The following RAB18 variants were observed in gnomAD, a reference collection of about 807,000 sequenced individuals.
RAB18 encodes ras-related protein Rab-18.
A neutral mutation model predicts 28.5 loss-of-function variants in RAB18; 10 were observed. That is an observed-to-expected ratio of 0.35 (90% confidence interval 0.22 to 0.60). The LOEUF is 0.60. Ranked by LOEUF, RAB18 falls within the 20% of genes least tolerant of loss-of-function variation. RAB18 has a pLI of 0.78. For synonymous variants in RAB18, 93 were observed against 86.9 expected (o/e 1.07, Z -0.39); for missense variants, 188 against 244.2 (o/e 0.77, Z 1.53).
intron 2 of RAB18, chr10:27,510,156 T>C: frequency 1.8e-6 from 1 of 566,626 alleles, no homozygotes. Flanking sequence ...TGATACTTTA[T>C]TAAAACTGCT....
At chr10:27,505,539 A>G (rs1195972254) in intron 1 of RAB18, among the ~76,000 whole-genome samples, 1 of 152,188 alleles carries the variant, frequency 6.6e-6, no homozygotes, top group Non-Finnish European at 1.5e-5. Flanking sequence ...CTTATGTAAT[A>G]TATTCTGATA....
chr10:27,511,060 A>G (rs796269679), intron 2 of RAB18, among the ~76,000 whole-genome samples: 1 of 152,242 alleles, frequency 6.6e-6, no homozygotes, highest in Non-Finnish European at 1.5e-5. Flanking sequence ...AAATGAACAT[A>G]GATACATTTT....
chr10:27,509,917 T>C lies in RAB18; in HGVS notation c.111T>C (p.Leu37=). The C allele has an allele frequency of 6.2e-7, 1 of 1,612,058 alleles. No individual in the cohort carries two copies. The highest frequency in any genetic ancestry group is 1.1e-5 in the South Asian group (1 of 91,044). ...RFTDDTFDPE[L]AATIGVDFKV... is the part of the protein sequence containing the mutation. The stretch of plus-strand genomic sequence containing the variant: ...CAGATGATACGTTTGATCCAGAACT[T>C]GCAGCAACAATAGGTAAGCCTGTGT... The change falls in exon 2 of 7, where the codon CTT becomes CTC. Residue 37 remains leucine (L), a synonymous_variant. Transcript: ENST00000356940.
At chr10:27,536,441 A>T (rs1834902010) in intron 6 of RAB18, among the ~76,000 whole-genome samples, 2 of 152,084 alleles carry the variant, frequency 1.3e-5, no homozygotes, top group Admixed American at 6.5e-5. Context: ...GCTGTTCTGG[A>T]GGCTGAGGTG....
At chr10:27,532,818 A>G (rs535753986) in intron 4 of RAB18, among the ~76,000 whole-genome samples, 1 of 152,126 alleles carries the variant, frequency 6.6e-6, no homozygotes, top group South Asian at 2.1e-4. Flanking sequence ...TGTCAATGAG[A>G]ACGTAATTGA....
At chr10:27,520,898 C>CA (rs1176749337) in intron 2 of RAB18, among the ~76,000 whole-genome samples, 2 of 105,158 alleles carry the variant, frequency 1.9e-5, no homozygotes, top group Admixed American at 1.5e-4. Context: ...GCCTGGGTGA[C>CA]AGAGCAAGAC....
At chr10:27,515,744 A>T (rs190951699) in intron 2 of RAB18, among the ~76,000 whole-genome samples, 5,891 of 151,560 alleles carry the variant, frequency 0.039, 320 homozygotes, top group African/African-American at 0.13. Flanking sequence ...AAAAAAAAAA[A>T]TTTTTTTTCA....
chr10:27,526,475 C>T (rs553740295), intron 2 of RAB18, among the ~76,000 whole-genome samples: 85 of 152,236 alleles, frequency 5.6e-4, no homozygotes, highest in African/African-American at 1.9e-3. Flanking sequence ...CTGCCATGAC[C>T]CACAGTCAGC....
chr10:27,531,198 G>A (rs1240327085), intron 3 of RAB18, among the ~76,000 whole-genome samples: 2 of 152,008 alleles, frequency 1.3e-5, no homozygotes, highest in African/African-American at 4.8e-5. Flanking sequence ...GTGGTGGTAA[G>A]GATCTGGAAG....
At chr10:27,536,081 CAAA>C (rs375160249) in intron 6 of RAB18, among the ~76,000 whole-genome samples, 2 of 127,606 alleles carry the variant, frequency 1.6e-5, no homozygotes, top group Non-Finnish European at 1.6e-5. Flanking sequence ...GACTCTGTCT[CAAA>C]AAAAAAAAAA....
chr10:27,537,985 C>G lies in RAB18; in HGVS notation c.555C>G (p.Val185=). The G allele has an allele frequency of 6.2e-7, 1 of 1,614,078 alleles. No individual in the cohort carries two copies. Among genetic ancestry groups the G allele is most frequent in the Admixed American group, 1.7e-5 (1 of 60,016 alleles). ...LWESENQNKG[V]KLSHREEGQG... ...AAAGTGAGAACCAGAATAAAGGAGT[C>G]AAACTGTCACACAGGGAAGAAGGCC... The change falls in exon 7 of 7, where the codon GTC becomes GTG. Residue 185 remains valine, a synonymous_variant. Transcript: ENST00000356940.
At chr10:27,523,948 A>G (rs1834621380) in intron 2 of RAB18, among the ~76,000 whole-genome samples, 1 of 151,700 alleles carries the variant, frequency 6.6e-6, no homozygotes. Context: ...GCGTGGTGGC[A>G]GGCGCCTGTA....
chr10:27,539,820 C>T lies in RAB18; in HGVS notation c.*1769C>T, dbSNP rs1166996264. ...CTAGTTCTTGAATAAATATAGCCTG[C>T]TTTCCCTAGATGCATTTGTGTAGGA... On this transcript the variant is annotated 3_prime_UTR_variant, in exon 7 of 7. Coordinates refer to ENST00000356940, the MANE Select transcript of RAB18 (RefSeq NM_021252.5). The T allele has an allele frequency of 1.3e-5, 6 of 453,524 alleles. No individual in the cohort carries two copies. In the Admixed American group the frequency reaches 1.4e-4, roughly 11 times the overall value. 28.1% of individuals were successfully genotyped at this position (453,524 alleles called of 1,614,324 possible). A position where few individuals can be genotyped will look rare whatever the true frequency, so the allele number is the denominator to read the frequency against.
rs1160320960 is a variant in RAB18 at position 27,541,049 on chromosome 10, G to C, written c.*2998G>C. 2 of 452,910 alleles carry C rather than the reference G, an allele frequency of 4.4e-6. No homozygotes were observed. Among genetic ancestry groups the C allele is most frequent in the South Asian group, 1.6e-5 (1 of 64,366 alleles). The allele number at this position is 452,910 out of a possible 1,614,324, so 28.1% of individuals were successfully genotyped here. On this transcript the variant is annotated 3_prime_UTR_variant, in exon 7 of 7. Coordinates refer to ENST00000356940, the MANE Select transcript of RAB18 (RefSeq NM_021252.5). ...ACTCAACAATTCTTCAGGTATTATA[G>C]ATCAGAGATCCTCTCCATATTCAAG... is the stretch of plus-strand genomic sequence containing the variant.
rs1217315442 is a variant in RAB18 at position 27,541,435 on chromosome 10, T to C, written c.*3384T>C. On this transcript the variant is annotated 3_prime_UTR_variant, in exon 7 of 7. Coordinates refer to ENST00000356940, the MANE Select transcript of RAB18 (RefSeq NM_021252.5). ...GATGGGGCTTTACATTTTACTGTTTTGTTGCTAGCTTATTGTTTCATACTT... is the reference window on the plus strand; with the variant it reads ...GATGGGGCTTTACATTTTACTGTTTCGTTGCTAGCTTATTGTTTCATACTT... 2 of 453,988 alleles carry C rather than the reference T, an allele frequency of 4.4e-6. No individual in the cohort carries two copies. The highest frequency in any genetic ancestry group is 4.7e-5 in the Admixed American group (2 of 42,566). The allele number at this position is 453,988 out of a possible 1,614,324, so 28.1% of individuals were successfully genotyped here.
chr10:27,528,277 A>G lies in RAB18; in HGVS notation c.186+1388A>G, dbSNP rs193284167. 2.4e-3 allele frequency: 1,178 copies of G among 490,402 alleles called. 5 individuals carry two copies. Among genetic ancestry groups the G allele is most frequent in the Non-Finnish European group, 3.0e-3 (742 of 244,496 alleles). The allele number at this position is 490,402 out of a possible 1,614,324, so 30.4% of individuals were successfully genotyped here. A position where few individuals can be genotyped will look rare whatever the true frequency, so the allele number is the denominator to read the frequency against. On this transcript the variant is annotated intron_variant, in intron 3 of 6. Transcript: ENST00000356940. ...AAGGCTGGCAGGTATTATTGAAGAG[A>G]CATTTTTACCATAGGCCTATAAACA...
In RAB18 at chr10:27,541,395, C is replaced by T; in HGVS notation, c.*3344C>T. On this transcript the variant is annotated 3_prime_UTR_variant, in exon 7 of 7. Transcript: ENST00000356940. The stretch of plus-strand genomic sequence containing the variant: ...TCCTCAGTTGGGAACATCTATCATG[C>T]TGGAGGACTACTGTGATGGGGCTTT... The T allele has an allele frequency of 2.2e-6, 1 of 452,312 alleles. No homozygotes were observed. The highest frequency in any genetic ancestry group is 4.4e-6 in the Non-Finnish European group (1 of 226,566). The allele number at this position is 452,312 out of a possible 1,614,324, so 28.0% of individuals were successfully genotyped here.
rs199886618 is a variant in RAB18 at position 27,533,723 on chromosome 10, CT to C, written c.260-8del. ...TTAATGCTTATTTAACAAATGACTC[CT>C]TTTATTTCAGTTTATGATGTCACAA... On this transcript the variant is annotated splice_polypyrimidine_tract_variant and intron_variant, in intron 4 of 6. Transcript: ENST00000356940. The C allele has an allele frequency of 6.2e-7, 1 of 1,611,420 alleles. No individual in the cohort carries two copies.
At chr10:27,529,727 C>T (rs1195537634) in intron 3 of RAB18, among the ~76,000 whole-genome samples, 3 of 152,076 alleles carry the variant, frequency 2.0e-5, no homozygotes, top group South Asian at 4.1e-4. Flanking sequence ...ATACCTACCA[C>T]ATATTCCTGT....
Sources: gnomAD v4.1 joint callset for allele counts (sites outside exome capture counted in the v4.1 genomes callset) on GRCh38, gnomAD v4.1.1 for gene constraint, MANE v1.5 for transcripts, NCBI Gene and HGNC (gene_info 2026-07-23, HGNC 2026-07-21) for gene names.